UBR7: variants seen among roughly 807,000 people sequenced by gnomAD.
The protein encoded by UBR7 is putative E3 ubiquitin-protein ligase UBR7.
UBR7 carries 22 observed loss-of-function variants against 57.0 expected under a neutral mutation model. The ratio of observed to expected loss-of-function variants is 0.39; its 90% CI spans 0.28 to 0.55. The LOEUF (loss-of-function observed/expected upper bound fraction) is 0.55. Among genes scored for constraint, UBR7 ranks in the 20% least tolerant of loss-of-function variants. UBR7 has a pLI of 0.69. For missense variants in UBR7, 395 were observed against 513.2 expected (o/e 0.77, Z 2.23); for synonymous variants, 167 against 179.8 (o/e 0.93, Z 0.57).
chr14:93,210,067 AAATT>A lies in UBR7; in HGVS notation c.284+123_284+126del, dbSNP rs371496259. 123 of 634,186 alleles carry A rather than the reference AAATT, an allele frequency of 1.9e-4. 1 individual carries two copies. The highest frequency in any genetic ancestry group is 2.1e-4 in the Admixed American group (5 of 23,822). The allele number at this position is 634,186 out of a possible 1,614,324, so 39.3% of individuals were successfully genotyped here. A position where few individuals can be genotyped will look rare whatever the true frequency, so the allele number is the denominator to read the frequency against. On this transcript the variant is annotated intron_variant, in intron 2 of 10. Transcript: ENST00000013070. Reference sequence around the variant, plus strand: ...CATGCAAAGCAGTTGAACACTAATGAAATTAATTAATTAATTTATTTATTTATTT... The same window carrying A: ...CATGCAAAGCAGTTGAACACTAATGAAATTAATTAATTTATTTATTTATTT...
At chr14:93,219,054 CA>C (rs369262547) in intron 7 of UBR7, among the ~76,000 whole-genome samples, 157 bp from the exon 8 acceptor site, 110 of 133,094 alleles carry the variant, frequency 8.3e-4, no homozygotes, top group Admixed American at 1.7e-3. Flanking sequence ...GATTCCGTCT[CA>C]AAAAAAAAAA....
chr14:93,224,523 A>G (rs1027836877), intron 10 of UBR7, among the ~76,000 whole-genome samples: 25 of 151,256 alleles, frequency 1.7e-4, no homozygotes, highest in Admixed American at 9.9e-4. Flanking sequence ...GACTACAGGC[A>G]CCCGCCACCA....
Position 93,216,598 on chromosome 14 carries a change from A to G in UBR7, c.601+1317A>G, listed in dbSNP as rs1379409245. Among the ~76,000 whole-genome samples, 4 of 150,726 alleles carry G rather than the reference A, an allele frequency of 2.7e-5. No homozygotes were observed. In the East Asian group the frequency reaches 7.8e-4, roughly 29 times the overall value. On this transcript the variant is annotated intron_variant, in intron 6 of 10. Transcript: ENST00000013070. ...TCATCCTACAGTTTAGATTTGCCTT[A>G]GAGTTCTTTTGTTTTTCTGCCTTTT...
At chr14:93,214,871 G>T (rs1894558408) in intron 4 of UBR7, 58 bp from the exon 5 acceptor site, 1 of 1,458,170 alleles carries the variant, frequency 6.9e-7, no homozygotes, top group East Asian at 2.3e-5. Flanking sequence ...TGTGTGCCAG[G>T]TTATTTCCAT....
At position 93,224,637 on chromosome 14, in the gene UBR7, A is replaced by G. The variant is rs550909389; in HGVS notation, c.1185+2263A>G. Among the ~76,000 whole-genome samples the G allele has an allele frequency of 2.0e-5, 3 of 152,192 alleles. No individual in the cohort carries two copies. The South Asian group carries it at 6.2e-4, about 32-fold the overall frequency. The stretch of plus-strand genomic sequence containing the variant: ...TGTGATCCGCCCACCTTGGCCTCCC[A>G]AAGTGCTGGGATTACAGGCATGAGC... On this transcript the variant is annotated intron_variant, in intron 10 of 10. Transcript: ENST00000013070.
intron 10 of UBR7, chr14:93,224,255 C>A: frequency 2.4e-6 from 1 of 421,180 alleles, no homozygotes; most frequent in East Asian, 4.3e-5. Context: ...ACAGTGCTGC[C>A]TGCTGCCTTT....
In UBR7 at chr14:93,209,826, C is replaced by T; in HGVS notation, c.153C>T (p.Gly51=). 6.2e-7 allele frequency: 1 copy of T among 1,613,706 alleles called. No homozygotes were observed. The highest frequency in any genetic ancestry group is 8.5e-7 in the Non-Finnish European group (1 of 1,179,788). The change falls in exon 2 of 11, where the codon GGC becomes GGT. Residue 51 remains glycine, a splice_region_variant and synonymous_variant. Coordinates refer to ENST00000013070, the MANE Select transcript of UBR7 (RefSeq NM_175748.4). The part of the protein sequence containing the change: ...SDSEKCSYSQ[G]SVKRQALYAC... ...TTTTCCATTTTGGGGGCTTTCAGGGCTCAGTAAAGAGACAAGCACTATATG... is the reference window on the plus strand; with the variant it reads ...TTTTCCATTTTGGGGGCTTTCAGGGTTCAGTAAAGAGACAAGCACTATATG...
chr14:93,219,185 A>T (rs1343940527), intron 7 of UBR7, 27 bp from the exon 8 acceptor site: 2 of 1,612,790 alleles, frequency 1.2e-6, no homozygotes. Flanking sequence ...TTTAAAAAAC[A>T]TGCTTCAAAA....
chr14:93,207,363 T>C lies in UBR7; in HGVS notation c.72T>C (p.Leu24=). ...CCGTGGTATCGTTGGTCGACGTCCT[T>C]GAGGAGGACGAGGAGCTGGAGAATG... ...LEPVVSLVDV[L]EEDEELENEA... The change falls in exon 1 of 11, where the codon CTT becomes CTC. Residue 24 remains leucine (L), a synonymous_variant. Coordinates refer to ENST00000013070, the MANE Select transcript of UBR7 (RefSeq NM_175748.4). 3 of 1,557,806 alleles carry C rather than the reference T, an allele frequency of 1.9e-6. No individual in the cohort carries two copies. Among genetic ancestry groups the C allele is most frequent in the East Asian group, 2.4e-5 (1 of 41,832 alleles).
intron 1 of UBR7, among the ~76,000 whole-genome samples, chr14:93,208,069 G>T (rs879551874): frequency 2.6e-5 from 4 of 152,282 alleles, no homozygotes; most frequent in Admixed American, 2.6e-4. Context: ...GGCAAGGGAG[G>T]GGAGAGAGGA....
chr14:93,207,559 C>T lies in UBR7; in HGVS notation c.150+118C>T, dbSNP rs1161238620. ...TCTCCCCAGTGGTGGTCCGGGGCCG[C>T]CGTTAGTCTGCCGCTTCCTCACCCC... On this transcript the variant is annotated intron_variant, in intron 1 of 10. Transcript: ENST00000013070. 27 of 1,348,034 alleles carry T rather than the reference C, an allele frequency of 2.0e-5. No homozygotes were observed. The South Asian group carries it at 3.1e-4, about 15-fold the overall frequency. The allele number at this position is 1,348,034 out of a possible 1,614,324, so 83.5% of individuals were successfully genotyped here. A position where few individuals can be genotyped will look rare whatever the true frequency, so the allele number is the denominator to read the frequency against.
intron 10 of UBR7, among the ~76,000 whole-genome samples, chr14:93,226,506 G>A (rs187485480): frequency 5.9e-5 from 9 of 152,238 alleles, no homozygotes; most frequent in Admixed American, 2.6e-4. Context: ...TTAGCCAGGC[G>A]TAGGCTGGGC....
chr14:93,215,424 G>A (rs1044425065), intron 6 of UBR7, 143 bp downstream of exon 6: 1 of 802,250 alleles, frequency 1.2e-6, no homozygotes, highest in South Asian at 1.5e-5. Context: ...GGTGGCTCAC[G>A]CCTGTAATCC....
intron 4 of UBR7, 127 bp downstream of exon 4, chr14:93,212,254 T>C: frequency 1.4e-6 from 1 of 691,700 alleles, no homozygotes; most frequent in Non-Finnish European, 2.6e-6. Flanking sequence ...TCTAGATTTA[T>C]CTTTTCTTAT....
chr14:93,213,698 TTC>T (rs1357744125), intron 4 of UBR7, among the ~76,000 whole-genome samples: 3 of 152,152 alleles, frequency 2.0e-5, no homozygotes, highest in African/African-American at 7.2e-5. Context: ...CATAATAACC[TTC>T]TCTCTGAATT....
intron 10 of UBR7, among the ~76,000 whole-genome samples, chr14:93,224,955 T>G (rs188642141): frequency 9.7e-4 from 147 of 152,242 alleles, no homozygotes; most frequent in Non-Finnish European, 1.6e-3. Flanking sequence ...TACTTAAAAT[T>G]ACATAAAAGA....
At chr14:93,218,848 G>T in intron 7 of UBR7, 113 bp downstream of exon 7, 1 of 1,115,646 alleles carries the variant, frequency 9.0e-7, no homozygotes, top group South Asian at 1.5e-5. Flanking sequence ...TGAGGTCACG[G>T]GTTTGAGACC....
chr14:93,227,161 C>G lies in UBR7; in HGVS notation c.*126C>G. ...TCTGTTTGGAGAGGCCTCGCGCTCC[C>G]TTCATTCTCTTTAGCTGCAGTAGCC... is the stretch of plus-strand genomic sequence containing the variant. On this transcript the variant is annotated 3_prime_UTR_variant, in exon 11 of 11. Transcript: ENST00000013070. The G allele has an allele frequency of 2.8e-6, 2 of 704,312 alleles. No homozygotes were observed. The highest frequency in any genetic ancestry group is 3.0e-5 in the South Asian group (2 of 67,710). 43.6% of individuals were successfully genotyped at this position (704,312 alleles called of 1,614,324 possible).
At chr14:93,210,210 A>C (rs113628174) in intron 2 of UBR7, among the ~76,000 whole-genome samples, 16,501 of 151,894 alleles carry the variant, frequency 0.11, 946 homozygotes, top group African/African-American at 0.14. Flanking sequence ...CAGCCTCCCG[A>C]ATAGCTGGGA....
Sources: gnomAD v4.1 joint callset for allele counts (sites outside exome capture counted in the v4.1 genomes callset) on GRCh38, gnomAD v4.1.1 for gene constraint, MANE v1.5 for transcripts, NCBI Gene and HGNC (gene_info 2026-07-23, HGNC 2026-07-21) for gene names.